RGL1: variants seen among roughly 807,000 people sequenced by gnomAD.
RGL1 encodes ral guanine nucleotide dissociation stimulator-like 1.
RGL1 carries 24 observed loss-of-function variants against 95.2 expected under a neutral mutation model. The ratio of observed to expected loss-of-function variants is 0.25; its 90% CI spans 0.18 to 0.35. The LOEUF is 0.35. RGL1 is among the 10% of genes least tolerant of loss of function. RGL1 has a pLI of 1.00. For missense variants in RGL1, 715 were observed against 936.3 expected (o/e 0.76, Z 3.08); for synonymous variants, 329 against 344.9 (o/e 0.95, Z 0.51).
intron 15 of RGL1, among the ~76,000 whole-genome samples, chr1:183,913,045 C>G (rs1347119621): frequency 6.6e-6 from 1 of 152,114 alleles, no homozygotes; most frequent in Non-Finnish European, 1.5e-5. Context: ...AGGATACATT[C>G]TCCCATGTTG....
At chr1:183,843,819 A>C (rs1664225788) in intron 2 of RGL1, among the ~76,000 whole-genome samples, 1 of 105,514 alleles carries the variant, frequency 9.5e-6, no homozygotes, top group Non-Finnish European at 2.1e-5. Flanking sequence ...GTATATTTTC[A>C]TGTTTTTTTT....
chr1:183,813,715 C>T lies in RGL1; in HGVS notation c.138+7230C>T, dbSNP rs540314821. Among the ~76,000 whole-genome samples, 8 of 152,316 alleles carry T rather than the reference C, an allele frequency of 5.3e-5. No individual in the cohort carries two copies. The East Asian group carries it at 1.5e-3, about 29-fold the overall frequency. On this transcript the variant is annotated intron_variant, in intron 2 of 17. Transcript: ENST00000360851. ...GGTGTCCTGGTCTTTTTCCATCTTCCTACACAATGTGTTTAAATTCTGTCT... is the reference window on the plus strand; with the variant it reads ...GGTGTCCTGGTCTTTTTCCATCTTCTTACACAATGTGTTTAAATTCTGTCT...
At chr1:183,771,564 A>G (rs1380206405) in intron 2 of RGL1, among the ~76,000 whole-genome samples, 3 of 152,222 alleles carry the variant, frequency 2.0e-5, no homozygotes, top group Non-Finnish European at 4.4e-5. Flanking sequence ...TAAACGCTGA[A>G]ATGTTTCCCA....
At chr1:183,681,047 C>A (rs1653178345) in intron 1 of RGL1, among the ~76,000 whole-genome samples, 1 of 152,144 alleles carries the variant, frequency 6.6e-6, no homozygotes, top group Non-Finnish European at 1.5e-5. Context: ...TTTGCTGAAA[C>A]TGTTTATCAG....
intron 4 of RGL1, among the ~76,000 whole-genome samples, chr1:183,879,801 C>G (rs1666721749): frequency 6.6e-6 from 1 of 152,204 alleles, no homozygotes; most frequent in African/African-American, 2.4e-5. Context: ...TTGTCTCTAG[C>G]CTTCAGTGAG....
intron 4 of RGL1, among the ~76,000 whole-genome samples, chr1:183,869,141 A>T (rs1189933501): frequency 2.6e-5 from 4 of 152,198 alleles, no homozygotes; most frequent in African/African-American, 7.2e-5. Flanking sequence ...TAATAATAAT[A>T]AAAAAATCCA....
chr1:183,860,865 A>T (rs1665471838), intron 3 of RGL1, among the ~76,000 whole-genome samples: 1 of 152,186 alleles, frequency 6.6e-6, no homozygotes, highest in South Asian at 2.1e-4. Flanking sequence ...GTCCTTAGTA[A>T]ATAATCCTCA....
chr1:183,648,938 T>A (rs1401752370), intron 1 of RGL1: 4 of 606,664 alleles, frequency 6.6e-6, no homozygotes, highest in Non-Finnish European at 1.1e-5. Context: ...ATGCATAGAT[T>A]TAAAAGCTCA....
chr1:183,899,663 T>C (rs1667903385), intron 10 of RGL1, among the ~76,000 whole-genome samples: 1 of 152,170 alleles, frequency 6.6e-6, no homozygotes, highest in Admixed American at 6.5e-5. Context: ...CAGAAGTTAC[T>C]GTTTTTCTCT....
chr1:183,807,496 A>T (rs556150562), intron 2 of RGL1, among the ~76,000 whole-genome samples: 14 of 152,300 alleles, frequency 9.2e-5, no homozygotes, highest in African/African-American at 3.4e-4. Context: ...GTGAAGGAGG[A>T]TAGGACACAA....
At chr1:183,748,385 T>G (rs1203491762) in intron 2 of RGL1, among the ~76,000 whole-genome samples, 1 of 148,090 alleles carries the variant, frequency 6.8e-6, no homozygotes, top group African/African-American at 2.5e-5. Context: ...TTTGTTTGCT[T>G]CTCTAGTTCT....
chr1:183,884,988 T>C, intron 7 of RGL1, 50 bp downstream of exon 7: 2 of 1,486,202 alleles, frequency 1.3e-6, no homozygotes, highest in South Asian at 1.2e-5. Flanking sequence ...TGCAAGAGAC[T>C]GCTCCATCAC....
At chr1:183,925,663 G>A in intron 17 of RGL1, among the ~76,000 whole-genome samples, 1 of 152,116 alleles carries the variant, frequency 6.6e-6, no homozygotes, top group Non-Finnish European at 1.5e-5. Context: ...TAGATTTTCT[G>A]TTTTTTCTAT....
chr1:183,822,654 AT>A (rs1662569536), intron 2 of RGL1, among the ~76,000 whole-genome samples: 1 of 152,204 alleles, frequency 6.6e-6, no homozygotes, highest in South Asian at 2.1e-4. Flanking sequence ...GTCAGGAGTT[AT>A]GTTTATGTTG....
In RGL1 at chr1:183,853,102, G is replaced by A. The variant is rs767145500; in HGVS notation, c.347+5328G>A. ...TGTAATCCCAGCACTTTGGGAGGCC[G>A]AGGTGGGCGGTTCACTTGAGGCCAG... On this transcript the variant is annotated intron_variant, in intron 3 of 17. Transcript: ENST00000360851. Among the ~76,000 whole-genome samples the A allele has an allele frequency of 6.6e-4, 100 of 152,114 alleles. 1 individual carries two copies. The highest frequency in any genetic ancestry group is 2.1e-4 in the Non-Finnish European group (14 of 68,028).
chr1:183,664,825 A>T (rs968395777), intron 1 of RGL1, among the ~76,000 whole-genome samples: 1 of 152,130 alleles, frequency 6.6e-6, no homozygotes, highest in African/African-American at 2.4e-5. Flanking sequence ...TGATCATGTC[A>T]TCTGCAAACA....
intron 2 of RGL1, among the ~76,000 whole-genome samples, chr1:183,778,298 G>C (rs1295319510): frequency 6.6e-6 from 1 of 152,126 alleles, no homozygotes; most frequent in Non-Finnish European, 1.5e-5. Context: ...GAATTATACA[G>C]TAAAGAAGAA....
chr1:183,883,994 G>T (rs1666971884), intron 6 of RGL1, 84 bp downstream of exon 6: 5 of 1,416,686 alleles, frequency 3.5e-6, no homozygotes, highest in Non-Finnish European at 4.9e-6. Flanking sequence ...ACAGCAGTGG[G>T]ATAATGTGAT....
At chr1:183,740,218 ATG>A (rs1464011476) in intron 1 of RGL1, among the ~76,000 whole-genome samples, 4 of 151,954 alleles carry the variant, frequency 2.6e-5, no homozygotes, top group African/African-American at 9.7e-5. Flanking sequence ...CCTTGCGTGT[ATG>A]TGTCAGCATC....
Sources: allele counts gnomAD v4.1 joint callset (sites outside exome capture counted in the v4.1 genomes callset), GRCh38; gene constraint gnomAD v4.1.1; transcripts MANE v1.5; gene names NCBI Gene and HGNC (gene_info 2026-07-23, HGNC 2026-07-21).